TENM3: variants seen among roughly 807,000 people sequenced by gnomAD.
TENM3 encodes teneurin-3.
A neutral mutation model predicts 255.1 loss-of-function variants in TENM3; 63 were observed. The ratio of observed to expected loss-of-function variants is 0.25; its 90% confidence interval spans 0.20 to 0.30. The LOEUF (loss-of-function observed/expected upper bound fraction) is 0.30. TENM3 is among the 10% of genes least tolerant of loss of function. The pLI is 1.00. For synonymous variants in TENM3, 1,306 were observed against 1,322.3 expected (o/e 0.99, Z 0.27); for missense variants, 2,929 against 3,461.1 (o/e 0.85, Z 3.86).
At chr4:182,350,149 T>C (rs1235059761) in intron 3 of TENM3, 2 of 155,794 alleles carry the variant, frequency 1.3e-5, no homozygotes, top group Non-Finnish European at 2.8e-5. Context: ...CATTTATTTA[T>C]TGATAAAGAG....
chr4:182,684,707 G>A (rs544351547), intron 11 of TENM3, among the ~76,000 whole-genome samples: 1 of 152,148 alleles, frequency 6.6e-6, no homozygotes, highest in Non-Finnish European at 1.5e-5. Context: ...GTATTCTAAA[G>A]GCTAATTGTA....
At chr4:181,977,806 G>T in the TENM3 span, among the ~76,000 whole-genome samples, 1 of 152,166 alleles carries the variant, frequency 6.6e-6, no homozygotes, top group African/African-American at 2.4e-5. Flanking sequence ...TCACCATCAG[G>T]GGTGAGGTGA....
intron 11 of TENM3, among the ~76,000 whole-genome samples, chr4:182,683,701 G>C (rs756534655): frequency 1.4e-4 from 22 of 152,082 alleles, no homozygotes; most frequent in Non-Finnish European, 2.6e-4. Context: ...GCAATAATTT[G>C]CCCACTAAGA....
At chr4:182,218,946 C>T (rs761870952) in intron 1 of TENM3, among the ~76,000 whole-genome samples, 6 of 152,156 alleles carry the variant, frequency 3.9e-5, no homozygotes, top group Non-Finnish European at 7.3e-5. Flanking sequence ...CATAATAGGC[C>T]GGGTGCAGAG....
At position 182,799,042 on chromosome 4, in the gene TENM3, C is replaced by T. The variant is rs887449338; in HGVS notation, c.7345-554C>T. 7.9e-5 allele frequency among the ~76,000 whole-genome samples: 12 copies of T among 152,208 alleles called. No homozygotes were observed. The highest frequency in any genetic ancestry group is 1.5e-4 in the Non-Finnish European group (10 of 68,044). Reference sequence around the variant, plus strand: ...CCAGCTGCCCCACCTTCCACTCATCCCTGTACATTTCAGTTCTGCGGTTAC... The same window carrying T: ...CCAGCTGCCCCACCTTCCACTCATCTCTGTACATTTCAGTTCTGCGGTTAC... On this transcript the variant is annotated intron_variant, in intron 27 of 27. Transcript: ENST00000511685. This position sits in a 1 kb window ranked among gnomAD's most constrained non-coding sequence, Gnocchi z 4.2.
the TENM3 span, among the ~76,000 whole-genome samples, chr4:181,539,526 C>T: frequency 1.0e-3 from 155 of 152,178 alleles, no homozygotes; most frequent in African/African-American, 3.5e-3. Context: ...AAACTTAATA[C>T]GTTTATTCCT....
chr4:182,055,937 G>A, the TENM3 span, among the ~76,000 whole-genome samples: 2 of 152,136 alleles, frequency 1.3e-5, no homozygotes, highest in Non-Finnish European at 2.9e-5. Context: ...CAGGGTTGGA[G>A]AAGCAAACTG....
In TENM3 at chr4:182,693,220, A is replaced by T. The variant is rs573196549; in HGVS notation, c.2221+4869A>T. ...ACATCTCTTCTGTGATACTGAGAAC[A>T]ATTTCTTACAAAAGTCAGTGTAAGA... On this transcript the variant is annotated intron_variant, in intron 12 of 27. Coordinates refer to ENST00000511685, the MANE Select transcript of TENM3 (RefSeq NM_001080477.4). 3.9e-5 allele frequency among the ~76,000 whole-genome samples: 6 copies of T among 152,302 alleles called. No individual in the cohort carries two copies. In the East Asian group the frequency reaches 1.2e-3, roughly 29 times the overall value.
chr4:181,545,728 T>C, the TENM3 span, among the ~76,000 whole-genome samples: 1 of 152,230 alleles, frequency 6.6e-6, no homozygotes, highest in African/African-American at 2.4e-5. Flanking sequence ...ATATTTTTAA[T>C]TATTTTTACA....
rs1766736749 is a variant in TENM3 at position 182,799,464 on chromosome 4, C to A, written c.7345-132C>A. 1.7e-6 allele frequency: 2 copies of A among 1,197,422 alleles called. No homozygotes were observed. Among genetic ancestry groups the A allele is most frequent in the South Asian group, 3.3e-5 (2 of 61,522 alleles). The allele number at this position is 1,197,422 out of a possible 1,614,324, so 74.2% of individuals were successfully genotyped here. ...GTGCTCCCTCCACCCGGGCTGTCAG[C>A]CTTCTGGTCAGGGAAGGACCCCGGG... On this transcript the variant is annotated intron_variant, in intron 27 of 27. Transcript: ENST00000511685. The surrounding 1 kb of genome is among the most constrained non-coding windows in gnomAD (Gnocchi z 4.2).
At chr4:182,544,156 A>G (rs1741180490) in intron 3 of TENM3, among the ~76,000 whole-genome samples, 1 of 152,120 alleles carries the variant, frequency 6.6e-6, no homozygotes, top group African/African-American at 2.4e-5. Context: ...GTATTCAGAA[A>G]GGTATATACA....
At chr4:181,963,080 T>C in the TENM3 span, among the ~76,000 whole-genome samples, 1 of 152,196 alleles carries the variant, frequency 6.6e-6, no homozygotes, top group African/African-American at 2.4e-5. Context: ...AGCTGGTTTC[T>C]TTGAATACAT....
At chr4:181,512,702 C>T in the TENM3 span, among the ~76,000 whole-genome samples, 40 of 152,252 alleles carry the variant, frequency 2.6e-4, no homozygotes, top group East Asian at 9.7e-4. Context: ...AGCTTATCTA[C>T]GGCACCTAAA....
chr4:181,628,346 C>T, the TENM3 span, among the ~76,000 whole-genome samples: 1 of 152,338 alleles, frequency 6.6e-6, no homozygotes, highest in South Asian at 2.1e-4. Context: ...AATTAGATCC[C>T]ATTTGTCAAT....
At chr4:181,897,407 C>T in the TENM3 span, among the ~76,000 whole-genome samples, 1 of 152,156 alleles carries the variant, frequency 6.6e-6, no homozygotes, top group East Asian at 1.9e-4. Flanking sequence ...TCATTCTTGG[C>T]TAAGTGTATC....
intron 1 of TENM3, among the ~76,000 whole-genome samples, chr4:182,228,463 C>A (rs1345962522): frequency 2.0e-5 from 3 of 148,554 alleles, no homozygotes; most frequent in Non-Finnish European, 3.0e-5. Flanking sequence ...ACAACTGAGT[C>A]ATTAAAAATA....
chr4:182,090,299 G>A, the TENM3 span, among the ~76,000 whole-genome samples: 1 of 152,198 alleles, frequency 6.6e-6, no homozygotes, highest in Admixed American at 6.5e-5. Flanking sequence ...AAGCAATCAT[G>A]TTTGGCGACA....
chr4:182,024,687 CACAA>C, the TENM3 span, among the ~76,000 whole-genome samples: 9 of 152,134 alleles, frequency 5.9e-5, no homozygotes, highest in African/African-American at 2.2e-4. Context: ...GTCTTTGTGT[CACAA>C]ACAATCCAAT....
At chr4:182,701,727 C>A (rs978534996) in intron 12 of TENM3, among the ~76,000 whole-genome samples, 1 of 152,158 alleles carries the variant, frequency 6.6e-6, no homozygotes, top group African/African-American at 2.4e-5. Context: ...AAGAACAAAC[C>A]GCATAGCAAA....
Sources: allele counts gnomAD v4.1 joint callset (sites outside exome capture counted in the v4.1 genomes callset), GRCh38; gene constraint gnomAD v4.1.1; non-coding constraint Gnocchi (gnomAD v3.1); transcripts MANE v1.5; gene names NCBI Gene and HGNC (gene_info 2026-07-23, HGNC 2026-07-21).